GLUD1: variants seen among roughly 807,000 people sequenced by gnomAD.
The protein encoded by GLUD1 is glutamate dehydrogenase 1.
GLUD1 carries 22 observed loss-of-function variants against 56.0 expected under a neutral mutation model. The observed-to-expected ratio is 0.39, with a 90% confidence interval of 0.28 to 0.56. GLUD1 has a LOEUF of 0.56. Among genes scored for constraint, GLUD1 ranks in the 20% least tolerant of loss-of-function variants. The pLI is 0.58. For missense variants in GLUD1, 451 were observed against 732.0 expected (o/e 0.62, Z 4.43); for synonymous variants, 223 against 269.9 (o/e 0.83, Z 1.70).
At chr10:87,051,927 A>G in intron 12 of GLUD1, 57 bp from the exon 13 acceptor site, 1 of 1,606,920 alleles carries the variant, frequency 6.2e-7, no homozygotes, top group Middle Eastern at 1.7e-4. Flanking sequence ...GCCAGGCCAT[A>G]AACACACAAG....
chr10:87,063,609 A>G (rs1337589157), intron 5 of GLUD1, among the ~76,000 whole-genome samples: 1 of 151,418 alleles, frequency 6.6e-6, no homozygotes, highest in Non-Finnish European at 1.5e-5. Context: ...AGGCTTTACA[A>G]TTGTCTTGGA....
chr10:87,083,928 A>G (rs1841323775), intron 1 of GLUD1, among the ~76,000 whole-genome samples: 1 of 152,254 alleles, frequency 6.6e-6, no homozygotes. Flanking sequence ...CTGTGCTAGT[A>G]GGAATGAAGG....
chr10:87,079,887 G>C (rs1841159848), intron 1 of GLUD1, among the ~76,000 whole-genome samples: 1 of 146,318 alleles, frequency 6.8e-6, no homozygotes, highest in Non-Finnish European at 1.5e-5. Context: ...AAGAACTAGT[G>C]CTCTCCCTCT....
rs1184793539 is a variant in GLUD1, at chr10:87,066,803, C to G, written c.741+1260G>C. On this transcript the variant is annotated intron_variant, in intron 5 of 12. Transcript: ENST00000277865. ...TAGTAGGCATAAATGTATTTTTTGACTCTGTTTCTCTTCCTACTCCTGAAA... is the reference window on the plus strand; with the variant it reads ...TAGTAGGCATAAATGTATTTTTTGAGTCTGTTTCTCTTCCTACTCCTGAAA... 3.9e-5 allele frequency among the ~76,000 whole-genome samples: 6 copies of G among 152,190 alleles called. No individual in the cohort carries two copies. In the East Asian group the frequency reaches 1.2e-3, roughly 29 times the overall value.
At chr10:87,053,225 G>A in intron 12 of GLUD1, 117 bp downstream of exon 12, 1 of 751,264 alleles carries the variant, frequency 1.3e-6, no homozygotes, top group South Asian at 1.4e-5. Context: ...ACACAAATGA[G>A]GACCATTGAA....
intron 1 of GLUD1, 108 bp from the exon 2 acceptor site, chr10:87,076,764 C>A: frequency 2.6e-6 from 2 of 764,488 alleles, no homozygotes; most frequent in Non-Finnish European, 4.8e-6. Flanking sequence ...TTGAAAATAT[C>A]CACTTTTTAC....
At chr10:87,083,816 T>TACACAC (rs10535860) in intron 1 of GLUD1, among the ~76,000 whole-genome samples, 1 of 151,054 alleles carries the variant, frequency 6.6e-6, no homozygotes, top group East Asian at 1.9e-4. Flanking sequence ...ATCCCATCTC[T>TACACAC]ACACACACAC....
intron 4 of GLUD1, among the ~76,000 whole-genome samples, chr10:87,074,203 A>G (rs1234108412): frequency 6.6e-6 from 1 of 152,222 alleles, no homozygotes; most frequent in Non-Finnish European, 1.5e-5. Flanking sequence ...AAAAGCTCCT[A>G]TAACAAATAG....
intron 5 of GLUD1, among the ~76,000 whole-genome samples, chr10:87,065,096 G>C (rs1306706879): frequency 1.3e-5 from 2 of 151,898 alleles, no homozygotes; most frequent in African/African-American, 2.4e-5. Context: ...CCTGAGTCCA[G>C]CCTGGTCAAC....
intron 6 of GLUD1, 163 bp from the exon 7 acceptor site, chr10:87,061,215 A>G: frequency 1.3e-6 from 1 of 769,554 alleles, no homozygotes; most frequent in Admixed American, 1.9e-5. Flanking sequence ...CTTCAACAAT[A>G]AAATTCTCTG....
chr10:87,068,284 G>A, intron 4 of GLUD1, 127 bp from the exon 5 acceptor site: 1 of 687,448 alleles, frequency 1.5e-6, no homozygotes, highest in Non-Finnish European at 2.7e-6. Flanking sequence ...TCTCATTTAG[G>A]TAGCTAATCA....
intron 6 of GLUD1, among the ~76,000 whole-genome samples, chr10:87,061,765 G>A (rs921495969): frequency 1.3e-4 from 20 of 149,610 alleles, no homozygotes; most frequent in African/African-American, 4.9e-4. Context: ...TACAGGTGCC[G>A]CCATCATGCC....
At position 87,051,229 on chromosome 10, in the gene GLUD1, A is replaced by G. The variant is rs778067219; in HGVS notation, c.*522T>C. On this transcript the variant is annotated 3_prime_UTR_variant, in exon 13 of 13. Coordinates refer to ENST00000277865, the MANE Select transcript of GLUD1 (RefSeq NM_005271.5). The stretch of plus-strand genomic sequence containing the variant: ...TATTCTAAAAGAATAATATTCATAA[A>G]CAGAAACAGGTTTTATATTTGTTTG... The G allele has an allele frequency of 4.8e-5, 9 of 186,992 alleles. No homozygotes were observed. The highest frequency in any genetic ancestry group is 1.0e-4 in the Non-Finnish European group (8 of 78,778). 11.6% of individuals were successfully genotyped at this position (186,992 alleles called of 1,614,324 possible). A position where few individuals can be genotyped will look rare whatever the true frequency, so the allele number is the denominator to read the frequency against.
Position 87,093,873 on chromosome 10 carries a change from G to A in GLUD1, c.445+452C>T, listed in dbSNP as rs935095823. 8.1e-6 allele frequency: 10 copies of A among 1,235,190 alleles called. No homozygotes were observed. In the African/African-American group the frequency reaches 1.2e-4, roughly 15 times the overall value. 76.5% of individuals were successfully genotyped at this position (1,235,190 alleles called of 1,614,324 possible). ...GTTCGGATATCATCTGTCACTATTG[G>A]AACAGGAGTGAACAAATACCAGAAA... is the stretch of plus-strand genomic sequence containing the variant. On this transcript the variant is annotated intron_variant, in intron 1 of 12. Transcript: ENST00000277865.
intron 4 of GLUD1, among the ~76,000 whole-genome samples, chr10:87,074,206 A>G (rs1589371157): frequency 6.6e-6 from 1 of 152,204 alleles, no homozygotes; most frequent in South Asian, 2.1e-4. Flanking sequence ...AGCTCCTATA[A>G]CAAATAGTAG....
intron 1 of GLUD1, among the ~76,000 whole-genome samples, chr10:87,083,133 C>G (rs1488784151): frequency 6.6e-6 from 1 of 150,718 alleles, no homozygotes; most frequent in African/African-American, 2.4e-5. Context: ...CCCATACTCA[C>G]AAGGCTAAGG....
chr10:87,094,377 G>C lies in GLUD1; in HGVS notation c.393C>G (p.Val131=), dbSNP rs147496974. The change falls in exon 1 of 13, where the codon GTC becomes GTG. Residue 131 remains valine, a synonymous_variant. Transcript: ENST00000277865. The surrounding 1 kb of genome is among the most constrained non-coding windows in gnomAD (Gnocchi z 6.6). ...TGTGCTGGGCCCGGTAGCCTTCGATGACCTCCCAGGAGCCGTCGTCGCGCC... is the reference window on the plus strand; with the variant it reads ...TGTGCTGGGCCCGGTAGCCTTCGATCACCTCCCAGGAGCCGTCGTCGCGCC... ...PIRRDDGSWE[V]IEGYRAQHSQ... 4.5e-5 allele frequency: 73 copies of C among 1,612,706 alleles called. No homozygotes were observed. The African/African-American group carries it at 8.8e-4, about 19-fold the overall frequency.
At chr10:87,070,985 C>T (rs1212214014) in intron 4 of GLUD1, among the ~76,000 whole-genome samples, 33 of 151,306 alleles carry the variant, frequency 2.2e-4, no homozygotes, top group Non-Finnish European at 3.8e-4. Flanking sequence ...AAAAATTAGC[C>T]GGGCGTGGTG....
In GLUD1 at chr10:87,052,377, A is replaced by T. The variant is rs539507580; in HGVS notation, c.1558-507T>A. Among the ~76,000 whole-genome samples, 39 of 152,180 alleles carry T rather than the reference A, an allele frequency of 2.6e-4. No homozygotes were observed. The South Asian group carries it at 7.3e-3, about 28-fold the overall frequency. ...GGGGTGGGCGCCTGTAATCCCGGCT[A>T]CTCGGGAGACTGAGGAAGGAGAATT... On this transcript the variant is annotated intron_variant, in intron 12 of 12. Transcript: ENST00000277865.
Sources: allele counts gnomAD v4.1 joint callset (sites outside exome capture counted in the v4.1 genomes callset), GRCh38; gene constraint gnomAD v4.1.1; non-coding constraint Gnocchi (gnomAD v3.1); transcripts MANE v1.5; gene names NCBI Gene and HGNC (gene_info 2026-07-23, HGNC 2026-07-21).